INPP4B: variants seen among roughly 807,000 people sequenced by gnomAD.
INPP4B encodes the protein inositol polyphosphate 4-phosphatase type II.
INPP4B carries 55 observed loss-of-function variants against 122.5 expected under a neutral mutation model. The ratio of observed to expected loss-of-function variants is 0.45; its 90% CI spans 0.36 to 0.56. The LOEUF (loss-of-function observed/expected upper bound fraction) is 0.56, where lower values mean the gene tolerates loss of function less well. INPP4B is among the 20% of genes least tolerant of loss of function. INPP4B has a pLI of 0.00. For missense variants in INPP4B, 1,000 were observed against 1,097.7 expected, an observed-to-expected ratio of 0.91 and a Z score of 1.26; for synonymous variants, 403 against 388.7, an observed-to-expected ratio of 1.04 and a Z score of -0.43.
chr4:142,621,099 T>C (rs1197368136), intron 2 of INPP4B, among the ~76,000 whole-genome samples: 1 of 151,924 alleles, frequency 6.6e-6, no homozygotes, highest in African/African-American at 2.4e-5. Context: ...AATAATAAAA[T>C]GCAGGACATT....
At chr4:142,367,461 G>C (rs1456968829) in intron 7 of INPP4B, among the ~76,000 whole-genome samples, 1 of 151,918 alleles carries the variant, frequency 6.6e-6, no homozygotes, top group Non-Finnish European at 1.5e-5. Flanking sequence ...ACTCTACTAA[G>C]GGCTGATACT....
intron 2 of INPP4B, among the ~76,000 whole-genome samples, chr4:142,650,048 T>A (rs1439126556): frequency 6.6e-6 from 1 of 151,894 alleles, no homozygotes; most frequent in Non-Finnish European, 1.5e-5. Flanking sequence ...CAGAATAGAG[T>A]GGGGGCTAAT....
At chr4:142,057,239 T>C (rs990477184) in intron 25 of INPP4B, among the ~76,000 whole-genome samples, 8 of 62,314 alleles carry the variant, frequency 1.3e-4, no homozygotes, top group Non-Finnish European at 2.9e-4. Flanking sequence ...ATATTCCATT[T>C]TAATAGTATG....
intron 2 of INPP4B, among the ~76,000 whole-genome samples, chr4:142,605,757 A>T (rs1233833848): frequency 6.6e-6 from 1 of 151,716 alleles, no homozygotes; most frequent in Admixed American, 6.6e-5. Context: ...GTTAGACAAG[A>T]CAGGTGATAA....
chr4:142,483,417 G>A (rs1257077159), intron 2 of INPP4B, among the ~76,000 whole-genome samples: 2 of 151,896 alleles, frequency 1.3e-5, no homozygotes, highest in South Asian at 2.1e-4. Context: ...TAGCTCCCCC[G>A]AACTCTCTGT....
At chr4:142,148,705 T>C (rs1812124992) in intron 17 of INPP4B, among the ~76,000 whole-genome samples, 1 of 152,206 alleles carries the variant, frequency 6.6e-6, no homozygotes, top group Non-Finnish European at 1.5e-5. Flanking sequence ...GTTATAAGAT[T>C]TCGCTCATAG....
At chr4:142,454,005 G>T (rs1388237351) in intron 3 of INPP4B, among the ~76,000 whole-genome samples, 1 of 151,940 alleles carries the variant, frequency 6.6e-6, no homozygotes, top group Admixed American at 6.6e-5. Context: ...ATGAACTGGG[G>T]TATATAAAGG....
chr4:142,223,648 A>T (rs116390576), intron 12 of INPP4B, among the ~76,000 whole-genome samples: 25 of 152,186 alleles, frequency 1.6e-4, no homozygotes, highest in African/African-American at 5.8e-4. Flanking sequence ...ATCCATAACA[A>T]TGAACTTAAT....
At position 142,461,759 on chromosome 4, in the gene INPP4B, T is replaced by C. The variant is rs1816786190; in HGVS notation, c.-127+904A>G. 4.6e-5 allele frequency among the ~76,000 whole-genome samples: 7 copies of C among 152,110 alleles called. 1 individual carries two copies. The South Asian group carries it at 1.0e-3, about 23-fold the overall frequency. ...GAAAGATTTCCCAATATAATCCTTA[T>C]AATCCTGAAAATGACTTCAGGAAAT... On this transcript the variant is annotated intron_variant, in intron 3 of 25. Coordinates refer to ENST00000262992, the MANE Select transcript of INPP4B (RefSeq NM_001101669.3).
intron 2 of INPP4B, chr4:142,473,152 T>C (rs544340887): frequency 1.3e-5 from 2 of 152,336 alleles, no homozygotes; most frequent in East Asian, 3.9e-4. Flanking sequence ...ATCTGATTTG[T>C]AGTTGATATT....
At chr4:142,279,720 G>A (rs1750298107) in intron 9 of INPP4B, among the ~76,000 whole-genome samples, 1 of 151,800 alleles carries the variant, frequency 6.6e-6, no homozygotes, top group Non-Finnish European at 1.5e-5. Flanking sequence ...CCAAAGTCAT[G>A]ATCTATAAAA....
intron 1 of INPP4B, chr4:142,766,672 C>A (rs900740028): frequency 6.6e-6 from 1 of 151,900 alleles, no homozygotes; most frequent in Non-Finnish European, 1.5e-5. Context: ...CCTTTATGCC[C>A]AGCCATAAAG....
intron 2 of INPP4B, among the ~76,000 whole-genome samples, chr4:142,477,661 C>A (rs1186606561): frequency 6.6e-6 from 1 of 152,036 alleles, no homozygotes; most frequent in Non-Finnish European, 1.5e-5. Context: ...TCTATACACC[C>A]AAACTTAAAA....
intron 2 of INPP4B, among the ~76,000 whole-genome samples, chr4:142,552,457 G>A (rs1397813456): frequency 6.6e-6 from 1 of 151,588 alleles, no homozygotes; most frequent in Non-Finnish European, 1.5e-5. Context: ...AGAAGAAGAA[G>A]TTACTTACTG....
At chr4:142,422,556 G>T (rs1807163300) in intron 5 of INPP4B, among the ~76,000 whole-genome samples, 1 of 152,064 alleles carries the variant, frequency 6.6e-6, no homozygotes, top group Non-Finnish European at 1.5e-5. Flanking sequence ...TGTACTCCCA[G>T]CACTTTGGAA....
intron 9 of INPP4B, among the ~76,000 whole-genome samples, chr4:142,272,467 A>T (rs575356778): frequency 2.0e-5 from 3 of 152,096 alleles, no homozygotes; most frequent in Non-Finnish European, 4.4e-5. Context: ...ATAAAAAGTG[A>T]AATGCTTCTT....
Position 142,214,106 on chromosome 4 carries a change from C to A in INPP4B, c.837-5080G>T, listed in dbSNP as rs556923529. The stretch of plus-strand genomic sequence containing the variant: ...TGCCATACAGTGGGGTAAATCAATA[C>A]CAAGTTCTCAATGGGCAGCTCTAGT... On this transcript the variant is annotated intron_variant, in intron 12 of 25. Coordinates refer to ENST00000262992, the MANE Select transcript of INPP4B (RefSeq NM_001101669.3). 3.3e-5 allele frequency among the ~76,000 whole-genome samples: 5 copies of A among 152,132 alleles called. No individual in the cohort carries two copies. The South Asian group carries it at 1.0e-3, about 32-fold the overall frequency.
chr4:142,028,739 C>A lies in INPP4B; in HGVS notation c.*43G>T. The A allele has an allele frequency of 6.4e-7, 1 of 1,568,656 alleles. No individual in the cohort carries two copies. The highest frequency in any genetic ancestry group is 2.3e-5 in the East Asian group (1 of 43,856). ...AAAGACCAAGGTGAAGATTATCCAA[C>A]TGAAATGTATTTGTGTTCCTGTTTA... is the stretch of plus-strand genomic sequence containing the variant. On this transcript the variant is annotated 3_prime_UTR_variant, in exon 26 of 26. Transcript: ENST00000262992.
intron 2 of INPP4B, among the ~76,000 whole-genome samples, chr4:142,687,086 G>A (rs1013645446): frequency 6.6e-6 from 1 of 151,958 alleles, no homozygotes; most frequent in African/African-American, 2.4e-5. Flanking sequence ...TTTCTAACAA[G>A]ATGGGGGACT....
Sources: gnomAD v4.1 joint callset for allele counts (sites outside exome capture counted in the v4.1 genomes callset) on GRCh38, gnomAD v4.1.1 for gene constraint, MANE v1.5 for transcripts, NCBI Gene and HGNC (gene_info 2026-07-23, HGNC 2026-07-21) for gene names.